Variants in LGALS4 observed in about 807,000 individuals in gnomAD.
LGALS4 encodes the protein galectin 4.
Under a neutral mutation model 39.6 loss-of-function variants are expected in LGALS4, and 37 were observed. The observed-to-expected ratio is 0.93, with a 90% CI of 0.72 to 1.23. LGALS4 has a LOEUF of 1.23. Ranked by LOEUF, LGALS4 falls within the 50% of genes most tolerant of loss-of-function variation. The probability of loss-of-function intolerance (pLI) is 0.00; values close to 1 mark genes in which losing one functional copy is unlikely to be tolerated. For missense variants in LGALS4, 397 were observed against 433.2 expected (o/e 0.92, Z 0.74); for synonymous variants, 160 against 165.5 (o/e 0.97, Z 0.25).
chr19:38,808,639 A>AT, intron 3 of LGALS4, 105 bp downstream of exon 3: 1 of 919,318 alleles, frequency 1.1e-6, no homozygotes, highest in Non-Finnish European at 1.6e-6. Context: ...AAAAAAAAAA[A>AT]AAAAGAAAGA....
rs1289216435 is a variant in LGALS4 at position 38,812,756 on chromosome 19, G to GC, written c.45+85dup. The GC allele has an allele frequency of 7.6e-6, 11 of 1,453,092 alleles. No homozygotes were observed. The East Asian group carries it at 1.4e-4, about 18-fold the overall frequency. The allele number at this position is 1,453,092 out of a possible 1,614,324, so 90.0% of individuals were successfully genotyped here. On this transcript the variant is annotated intron_variant, in intron 1 of 9. Coordinates refer to ENST00000307751, the MANE Select transcript of LGALS4 (RefSeq NM_006149.4). ...AAATCAGACCACAGAGTCAGATGGGGCCCCCCAGGATCAGAGTGGGGAAAA... is the reference window on the plus strand; with the variant it reads ...AAATCAGACCACAGAGTCAGATGGGGCCCCCCCAGGATCAGAGTGGGGAAAA...
chr19:38,804,124 C>T (rs1343719696), intron 4 of LGALS4, among the ~76,000 whole-genome samples: 1 of 151,980 alleles, frequency 6.6e-6, no homozygotes, highest in African/African-American at 2.4e-5. Context: ...ATGCTTGGTC[C>T]ATTTTGTTCT....
chr19:38,805,184 TA>T (rs1223135001), intron 4 of LGALS4, among the ~76,000 whole-genome samples: 2 of 147,986 alleles, frequency 1.4e-5, no homozygotes, highest in African/African-American at 4.9e-5. Context: ...ATAATAATAA[TA>T]ATAATAATAA....
chr19:38,803,633 C>T, intron 6 of LGALS4, 82 bp from the exon 7 acceptor site: 3 of 1,596,294 alleles, frequency 1.9e-6, no homozygotes, highest in Non-Finnish European at 2.6e-6. Flanking sequence ...CGGCGTTTCT[C>T]TAGGTGCTGG....
rs774456830 is a variant in LGALS4 at position 38,812,846 on chromosome 19, T to C, written c.41A>G (p.Asn14Ser). ...VPAPGYQPTY[N>S]PTLPYYQPIP... Reference sequence around the variant, plus strand: ...GGGCCTGAGCTGGCATCTCACCGGGTTGTAGGTGGGCTGGTAGCCCGGTGC... The same window carrying C: ...GGGCCTGAGCTGGCATCTCACCGGGCTGTAGGTGGGCTGGTAGCCCGGTGC... Residue 14 changes from asparagine (N) to serine (S), a missense_variant, in exon 1 of 10, where the codon AAC becomes AGC. Asn to Ser is a conservative substitution (Grantham distance 46, BLOSUM62 1). Transcript: ENST00000307751. 1.4e-5 allele frequency: 22 copies of C among 1,610,450 alleles called. No individual in the cohort carries two copies. Among genetic ancestry groups the C allele is most frequent in the South Asian group, 2.2e-5 (2 of 91,004 alleles).
chr19:38,809,271 C>T (rs1193046368), intron 2 of LGALS4, among the ~76,000 whole-genome samples: 1 of 150,328 alleles, frequency 6.7e-6, no homozygotes, highest in Non-Finnish European at 1.5e-5. Context: ...CCTCCGCCTC[C>T]TGGATTCCAG....
intron 3 of LGALS4, 41 bp from the exon 4 acceptor site, chr19:38,806,636 A>G (rs1971425555): frequency 6.2e-7 from 1 of 1,608,326 alleles, no homozygotes; most frequent in Admixed American, 1.7e-5. Context: ...AGCACCCATG[A>G]TCCTGGGAAG....
chr19:38,802,173 G>A lies in LGALS4; in HGVS notation c.660-16C>T, dbSNP rs74428378. On this transcript the variant is annotated splice_polypyrimidine_tract_variant and intron_variant, in intron 8 of 9. Transcript: ENST00000307751. ...GATAGCAAAGCTGGGGACAGAGAGG[G>A]ATGGGGGAGTCAGATGGAGTCCAGT... 9,654 of 1,612,256 alleles carry A rather than the reference G, an allele frequency of 6.0e-3. 426 individuals carry two copies. In the African/African-American group the frequency reaches 0.11, roughly 18 times the overall value.
chr19:38,809,471 T>C (rs1336953546), intron 2 of LGALS4, among the ~76,000 whole-genome samples: 1 of 151,458 alleles, frequency 6.6e-6, no homozygotes, highest in Non-Finnish European at 1.5e-5. Flanking sequence ...TGAGACACCG[T>C]GCCTGACATT....
Position 38,812,411 on chromosome 19 carries a change from T to A in LGALS4, c.134+20A>T, listed in dbSNP as rs1331732542. 4 of 1,610,664 alleles carry A rather than the reference T, an allele frequency of 2.5e-6. No individual in the cohort carries two copies. Among genetic ancestry groups the A allele is most frequent in the African/African-American group, 2.7e-5 (2 of 74,840 alleles). On this transcript the variant is annotated intron_variant, in intron 2 of 9. Transcript: ENST00000307751. The stretch of plus-strand genomic sequence containing the variant: ...TTGGAAGTCCCCTGCCAGCCCGGCC[T>A]GGCTTGGGGAGGGTCTTACCGCTTC...
chr19:38,804,830 A>G (rs552764395), intron 4 of LGALS4, among the ~76,000 whole-genome samples: 199 of 152,016 alleles, frequency 1.3e-3, no homozygotes, highest in Non-Finnish European at 2.2e-3. Flanking sequence ...CTAAAAAAAA[A>G]ACAAAAAACA....
chr19:38,806,647 GTACAAACAGGAAGC>G, intron 3 of LGALS4, 52 bp from the exon 4 acceptor site: 3 of 1,597,930 alleles, frequency 1.9e-6, no homozygotes, highest in Non-Finnish European at 2.6e-6. Context: ...TCCTGGGAAG[GTACAAACAGGAAGC>G]AAGGGCAGGG....
intron 5 of LGALS4, 23 bp downstream of exon 5, chr19:38,803,846 C>T: frequency 6.2e-7 from 1 of 1,612,614 alleles, no homozygotes; most frequent in Non-Finnish European, 8.5e-7. Context: ...GAGGAAGACC[C>T]TCACCTATCA....
At chr19:38,804,910 C>A (rs1325320512) in intron 4 of LGALS4, among the ~76,000 whole-genome samples, 1 of 151,884 alleles carries the variant, frequency 6.6e-6, no homozygotes, top group Non-Finnish European at 1.5e-5. Context: ...AATCTCAGGA[C>A]TTTGGGAGGC....
At chr19:38,809,173 C>CTTTTTT (rs34677297) in intron 2 of LGALS4, among the ~76,000 whole-genome samples, 6 of 104,918 alleles carry the variant, frequency 5.7e-5, no homozygotes, top group Non-Finnish European at 9.4e-5. Flanking sequence ...GCCTTTCCTT[C>CTTTTTT]TTTTTTTTTT....
At chr19:38,805,289 G>T (rs1429438574) in intron 4 of LGALS4, among the ~76,000 whole-genome samples, 1 of 151,364 alleles carries the variant, frequency 6.6e-6, no homozygotes, top group African/African-American at 2.4e-5. Flanking sequence ...ATTCACTATC[G>T]TGTGTTCTTT....
chr19:38,811,628 C>A (rs1049162297), intron 2 of LGALS4, among the ~76,000 whole-genome samples: 10 of 151,852 alleles, frequency 6.6e-5, no homozygotes, highest in African/African-American at 2.4e-4. Context: ...CCACTGCACT[C>A]CAGCTTGGGC....
At chr19:38,803,341 C>T (rs1971383236) in intron 7 of LGALS4, 181 bp downstream of exon 7, 2 of 639,016 alleles carry the variant, frequency 3.1e-6, no homozygotes, top group Non-Finnish European at 5.5e-6. Flanking sequence ...CTGAGAGGTC[C>T]CACTCCTCCT....
intron 7 of LGALS4, 139 bp from the exon 8 acceptor site, chr19:38,802,543 G>A (rs1348902235): frequency 1.5e-6 from 1 of 651,948 alleles, no homozygotes; most frequent in Non-Finnish European, 2.7e-6. Flanking sequence ...CACCCAGGCT[G>A]GAGTGCAGTG....
Sources: gnomAD v4.1 joint callset for allele counts (sites outside exome capture counted in the v4.1 genomes callset) on GRCh38, gnomAD v4.1.1 for gene constraint, MANE v1.5 for transcripts, NCBI Gene and HGNC (gene_info 2026-07-23, HGNC 2026-07-21) for gene names.